The following GRM7 variants were observed in gnomAD, a reference collection of about 807,000 sequenced individuals.
GRM7 encodes the protein metabotropic glutamate receptor 7.
In GRM7, 35 loss-of-function variants were observed where a neutral mutation model predicts 84.5. That is an observed-to-expected ratio of 0.41 (90% CI 0.32 to 0.55). The LOEUF (loss-of-function observed/expected upper bound fraction) is 0.55. GRM7 is among the 20% of genes least tolerant of loss of function. The pLI, the probability that GRM7 is intolerant of heterozygous loss-of-function variation, is 0.19. For missense variants in GRM7, 1,003 were observed against 1,194.6 expected (o/e 0.84, Z 2.36); for synonymous variants, 487 against 455.1 (o/e 1.07, Z -0.89).
intron 4 of GRM7, among the ~76,000 whole-genome samples, chr3:7,309,579 T>C (rs1472133897): frequency 2.0e-5 from 3 of 152,142 alleles, no homozygotes; most frequent in Non-Finnish European, 4.4e-5. Flanking sequence ...TAGATCCATA[T>C]CATGACTACG....
chr3:7,098,173 G>C (rs1698923334), intron 1 of GRM7, among the ~76,000 whole-genome samples: 1 of 151,914 alleles, frequency 6.6e-6, no homozygotes, highest in Non-Finnish European at 1.5e-5. Flanking sequence ...ATTCAACTTT[G>C]TGTGTTATGA....
chr3:7,216,884 T>A (rs1290532707), intron 2 of GRM7, among the ~76,000 whole-genome samples: 4 of 151,910 alleles, frequency 2.6e-5, no homozygotes, highest in Non-Finnish European at 5.9e-5. Flanking sequence ...CATGTTTGAG[T>A]GTATTTGTGT....
chr3:7,539,152 G>A lies in GRM7; in HGVS notation c.1516-39270G>A, dbSNP rs150728262. Among the ~76,000 whole-genome samples, 9 of 152,164 alleles carry A rather than the reference G, an allele frequency of 5.9e-5. No homozygotes were observed. The South Asian group carries it at 1.0e-3, about 18-fold the overall frequency. ...ACCATGTCTCTTGAGGTGATTTATC[G>A]TACCCAGATCAGAAGAGAACTGTGA... On this transcript the variant is annotated intron_variant, in intron 7 of 9. Coordinates refer to ENST00000357716, the MANE Select transcript of GRM7 (RefSeq NM_000844.4).
At chr3:6,935,712 T>TTATTATTATTAC (rs547755528) in intron 1 of GRM7, among the ~76,000 whole-genome samples, 174 of 144,226 alleles carry the variant, frequency 1.2e-3, no homozygotes, top group Middle Eastern at 3.7e-3. Flanking sequence ...ATTATTATTA[T>TTATTATTATTAC]TGAGACAGAG....
chr3:7,473,489 G>GGAGAGAGAGAGAGAGAGAGAGA lies in GRM7; in HGVS notation c.1515+11788_1515+11809dup, dbSNP rs372898836. Among the ~76,000 whole-genome samples the GGAGAGAGAGAGAGAGAGAGAGA allele has an allele frequency of 3.4e-3, 425 of 126,464 alleles. 5 individuals are homozygous for GGAGAGAGAGAGAGAGAGAGAGA. The highest frequency in any genetic ancestry group is 5.5e-3 in the Non-Finnish European group (338 of 60,916). 83.0% of individuals were successfully genotyped at this position (126,464 alleles called of 152,430 possible). On this transcript the variant is annotated intron_variant, in intron 7 of 9. Transcript: ENST00000357716. ...AGACTCTGTCTCTTAAAAACGAGAG[G>GGAGAGAGAGAGAGAGAGAGAGA]GAGAGAGAGAGAGAGAGAGAGAGAG... is the stretch of plus-strand genomic sequence containing the variant.
intron 7 of GRM7, among the ~76,000 whole-genome samples, chr3:7,570,097 C>T (rs921747091): frequency 2.6e-5 from 4 of 152,124 alleles, no homozygotes; most frequent in Admixed American, 6.5e-5. Context: ...AATTCAATCA[C>T]CTCCCACCAA....
At chr3:7,006,667 A>T (rs1197449049) in intron 1 of GRM7, among the ~76,000 whole-genome samples, 1 of 152,152 alleles carries the variant, frequency 6.6e-6, no homozygotes, top group African/African-American at 2.4e-5. Context: ...CTGGGAGGAG[A>T]AATCAGAAAA....
chr3:7,338,102 A>G (rs931317608), intron 4 of GRM7, among the ~76,000 whole-genome samples: 2 of 132,796 alleles, frequency 1.5e-5, no homozygotes, highest in Non-Finnish European at 3.1e-5. Context: ...TATCATCTAC[A>G]TATATATTTA....
intron 4 of GRM7, among the ~76,000 whole-genome samples, chr3:7,337,739 A>T (rs1290329393): frequency 1.3e-5 from 2 of 152,074 alleles, no homozygotes; most frequent in Non-Finnish European, 2.9e-5. Context: ...GACCATAATT[A>T]AAAAATAAAT....
At chr3:7,046,872 G>A (rs1247434687) in intron 1 of GRM7, among the ~76,000 whole-genome samples, 1 of 151,978 alleles carries the variant, frequency 6.6e-6, no homozygotes, top group African/African-American at 2.4e-5. Context: ...ATAAATTCTG[G>A]GGAGTCAAAG....
chr3:6,869,180 G>A (rs1014810146), intron 1 of GRM7, among the ~76,000 whole-genome samples: 2 of 152,110 alleles, frequency 1.3e-5, no homozygotes, highest in African/African-American at 4.8e-5. Context: ...TAGGGGTTAA[G>A]AATCAAATTC....
chr3:7,586,986 AG>A (rs1695548994), intron 8 of GRM7, among the ~76,000 whole-genome samples: 1 of 152,220 alleles, frequency 6.6e-6, no homozygotes, highest in African/African-American at 2.4e-5. Context: ...GTGAATAAGC[AG>A]GGAAGGGCTG....
chr3:7,365,783 A>G (rs1004565903), intron 4 of GRM7, among the ~76,000 whole-genome samples: 5 of 150,846 alleles, frequency 3.3e-5, no homozygotes, highest in African/African-American at 1.2e-4. Context: ...AATATTTTAT[A>G]GCTTCTTTCA....
chr3:6,875,036 T>G (rs576558313), intron 1 of GRM7, among the ~76,000 whole-genome samples: 2 of 152,320 alleles, frequency 1.3e-5, no homozygotes, highest in East Asian at 3.9e-4. Context: ...TTATCCTCTA[T>G]AGCATCTAAC....
At chr3:7,642,281 T>C (rs898234015) in intron 8 of GRM7, among the ~76,000 whole-genome samples, 2 of 152,060 alleles carry the variant, frequency 1.3e-5, no homozygotes, top group African/African-American at 4.8e-5. Context: ...TTCAAAACTT[T>C]AGAGAGGGGT....
At chr3:7,481,864 C>T (rs898202686) in intron 7 of GRM7, among the ~76,000 whole-genome samples, 2 of 152,148 alleles carry the variant, frequency 1.3e-5, no homozygotes, top group African/African-American at 4.8e-5. Context: ...GTGAATGTAC[C>T]TCAGAGGTCA....
intron 9 of GRM7, chr3:7,680,575 C>A (rs1169864041): frequency 4.8e-6 from 2 of 414,600 alleles, no homozygotes; most frequent in Admixed American, 4.1e-5. Context: ...AATCCTCCAA[C>A]TGACAAATGC....
chr3:7,291,584 G>A (rs1426066978), intron 2 of GRM7, among the ~76,000 whole-genome samples: 1 of 146,208 alleles, frequency 6.8e-6, no homozygotes, highest in Non-Finnish European at 1.5e-5. Flanking sequence ...TTTTACCAAG[G>A]GAGTAAAACT....
chr3:7,416,891 G>A (rs540095454), intron 5 of GRM7, among the ~76,000 whole-genome samples: 135 of 152,186 alleles, frequency 8.9e-4, no homozygotes, highest in African/African-American at 2.9e-3. Flanking sequence ...CAAGTGCACC[G>A]GAAGTATGTA....
Sources: allele counts gnomAD v4.1 joint callset (sites outside exome capture counted in the v4.1 genomes callset), GRCh38; gene constraint gnomAD v4.1.1; transcripts MANE v1.5; gene names NCBI Gene and HGNC (gene_info 2026-07-23, HGNC 2026-07-21).